CIMAP1A: variants seen among roughly 807,000 people sequenced by gnomAD.
CIMAP1A encodes the protein cancer/testis antigen 135.
the CIMAP1A span, chr11:197,913 C>G: frequency 6.7e-7 from 1 of 1,493,776 alleles, no homozygotes; most frequent in Non-Finnish European, 8.9e-7. Flanking sequence ...GGGTCACCAT[C>G]GTGCCTGGGC....
chr11:197,386 C>G, the CIMAP1A span: 1 of 1,600,878 alleles, frequency 6.2e-7, no homozygotes, highest in Non-Finnish European at 8.5e-7. Context: ...CAGCCCTGGA[C>G]CCAAGTACCT....
the CIMAP1A span, chr11:197,852 T>G: frequency 6.6e-7 from 1 of 1,515,282 alleles, no homozygotes; most frequent in Admixed American, 2.0e-5. Context: ...AGCAAGGGTG[T>G]GGGAGAGCTC....
the CIMAP1A span, chr11:197,190 A>T: frequency 1.5e-6 from 1 of 680,056 alleles, no homozygotes; most frequent in Non-Finnish European, 2.4e-6. Context: ...CAGGTTCCGC[A>T]GGTCTTACCC....
the CIMAP1A span, chr11:198,734 G>A: frequency 2.0e-6 from 3 of 1,465,618 alleles, no homozygotes; most frequent in Non-Finnish European, 2.7e-6. Context: ...CACGTGCTGG[G>A]GTTACACTGC....
the CIMAP1A span, chr11:199,377 T>G: frequency 6.4e-7 from 1 of 1,571,644 alleles, no homozygotes; most frequent in African/African-American, 1.3e-5. Context: ...AGACCCCAGG[T>G]CCCGCAGCCT....
chr11:199,410 G>A, the CIMAP1A span: 1 of 1,575,298 alleles, frequency 6.3e-7, no homozygotes, highest in Non-Finnish European at 8.6e-7. Context: ...ATGTGCGGGT[G>A]ACCAAGTTCA....
chr11:196,979 G>C, the CIMAP1A span: 1 of 190,410 alleles, frequency 5.3e-6, no homozygotes. Flanking sequence ...CAATCAAGAA[G>C]TTCCCCATCT....
At chr11:198,617 C>T in the CIMAP1A span, 1 of 1,574,186 alleles carries the variant, frequency 6.4e-7, no homozygotes, top group South Asian at 1.2e-5. Flanking sequence ...AACAGAGAAT[C>T]ACCCCCAACC....
the CIMAP1A span, chr11:198,171 C>T: frequency 6.2e-7 from 1 of 1,607,468 alleles, no homozygotes; most frequent in Non-Finnish European, 8.5e-7. Context: ...CCTGCTTGTC[C>T]CAGCAGCCCC....
At chr11:197,364 G>T in the CIMAP1A span, 1 of 1,598,620 alleles carries the variant, frequency 6.3e-7, no homozygotes, top group Non-Finnish European at 8.5e-7. Context: ...GACCCATCAT[G>T]GCCCTCTACA....
chr11:197,804 G>A, the CIMAP1A span: 2 of 1,595,772 alleles, frequency 1.3e-6, no homozygotes, highest in Non-Finnish European at 1.7e-6. Flanking sequence ...GCAGCCTCAG[G>A]CCTGCCCCTC....
the CIMAP1A span, chr11:198,679 C>T: frequency 2.0e-6 from 3 of 1,526,030 alleles, no homozygotes; most frequent in East Asian, 2.3e-5. Flanking sequence ...CCTGCCTTGC[C>T]AATGCCCCTC....
the CIMAP1A span, chr11:197,519 C>A: frequency 3.7e-6 from 6 of 1,601,078 alleles, no homozygotes; most frequent in African/African-American, 4.0e-5. Context: ...GGGAGAAGGG[C>A]AGGTCAGGCT....
the CIMAP1A span, chr11:198,019 G>A: frequency 2.6e-6 from 4 of 1,538,164 alleles, no homozygotes; most frequent in Non-Finnish European, 3.5e-6. Flanking sequence ...AATAGCCTTT[G>A]TCTCACCAGC....
At chr11:199,590 G>C in the CIMAP1A span, 20 of 1,494,366 alleles carry the variant, frequency 1.3e-5, no homozygotes, top group East Asian at 2.2e-4. Context: ...GAGCAGGGAG[G>C]GGGGCTGGGA....
chr11:199,942 A>T, the CIMAP1A span: 4 of 1,614,006 alleles, frequency 2.5e-6, no homozygotes, highest in South Asian at 2.2e-5. Context: ...CTCCTCTCCC[A>T]GGTGACCCTG....
chr11:197,364 G>A, the CIMAP1A span: 24 of 1,598,618 alleles, frequency 1.5e-5, no homozygotes, highest in Middle Eastern at 1.7e-4. Flanking sequence ...GACCCATCAT[G>A]GCCCTCTACA....
the CIMAP1A span, chr11:199,938 TCCCAGGTGACCCTGA>T: frequency 1.2e-6 from 2 of 1,613,936 alleles, no homozygotes; most frequent in East Asian, 4.5e-5. Context: ...GCCCCTCCTC[TCCCAGGTGACCCTGA>T]CCAAGCCCTG....
chr11:197,343 T>A, the CIMAP1A span: 2 of 1,593,698 alleles, frequency 1.3e-6, no homozygotes, highest in Non-Finnish European at 8.6e-7. Flanking sequence ...GGAGGCCCCA[T>A]CGCCCCCGGG....
Sources: gnomAD v4.1 joint callset for allele counts on GRCh38, gnomAD v4.1.1 for gene constraint, MANE v1.5 for transcripts, NCBI Gene and HGNC (gene_info 2026-07-23, HGNC 2026-07-21) for gene names.